The following GABRA5 variants were observed in gnomAD, a reference collection of about 807,000 sequenced individuals.
The protein encoded by GABRA5 is gamma-aminobutyric acid receptor subunit alpha-5.
GABRA5 carries 18 observed loss-of-function variants against 47.3 expected under a neutral mutation model. The ratio of observed to expected loss-of-function variants is 0.38; its 90% CI spans 0.26 to 0.56. The LOEUF is 0.56. Ranked by LOEUF, GABRA5 falls within the 20% of genes least tolerant of loss-of-function variation. GABRA5 has a pLI of 0.71. For synonymous variants in GABRA5, 237 were observed against 229.3 expected (o/e 1.03, Z -0.30); for missense variants, 365 against 599.3 (o/e 0.61, Z 4.08).
At chr15:26,911,582 G>A (rs928787102) in intron 6 of GABRA5, among the ~76,000 whole-genome samples, 1 of 152,160 alleles carries the variant, frequency 6.6e-6, no homozygotes, top group East Asian at 1.9e-4. Context: ...TAAACACACG[G>A]TATTGGCCAG....
At chr15:26,881,283 A>T (rs1892724113) in intron 4 of GABRA5, among the ~76,000 whole-genome samples, 1 of 152,198 alleles carries the variant, frequency 6.6e-6, no homozygotes. Context: ...TGGTTAACTT[A>T]AGGAGGAACC....
chr15:26,895,792 G>A lies in GABRA5; in HGVS notation c.497+12235G>A, dbSNP rs564497654. Among the ~76,000 whole-genome samples, 526 of 141,708 alleles carry A rather than the reference G, an allele frequency of 3.7e-3. 4 individuals are homozygous for A. The highest frequency in any genetic ancestry group is 0.014 in the African/African-American group (498 of 35,652). The allele number at this position is 141,708 out of a possible 152,430, so 93.0% of individuals were successfully genotyped here. A position where few individuals can be genotyped will look rare whatever the true frequency, so the allele number is the denominator to read the frequency against. ...GGCGCCACCGCACACTCCAGCCTGG[G>A]CGACAGAGCAAGACTCCGTCAAAAA... On this transcript the variant is annotated intron_variant, in intron 6 of 10. Coordinates refer to ENST00000335625, the MANE Select transcript of GABRA5 (RefSeq NM_000810.4).
At chr15:26,941,708 A>G (rs1894388550) in intron 9 of GABRA5, among the ~76,000 whole-genome samples, 1 of 151,990 alleles carries the variant, frequency 6.6e-6, no homozygotes, top group Admixed American at 6.6e-5. Flanking sequence ...GCTCCTCCTG[A>G]GGCCTGCAAG....
chr15:26,891,755 C>A (rs955694093), intron 6 of GABRA5, among the ~76,000 whole-genome samples: 4 of 152,222 alleles, frequency 2.6e-5, no homozygotes, highest in Non-Finnish European at 4.4e-5. Flanking sequence ...GCGCAGCCAG[C>A]CTGCACCCAC....
At chr15:26,942,341 A>T (rs1469696312) in intron 9 of GABRA5, among the ~76,000 whole-genome samples, 1 of 152,150 alleles carries the variant, frequency 6.6e-6, no homozygotes, top group East Asian at 1.9e-4. Context: ...AAGTTTTCCT[A>T]GTGGCCACAG....
chr15:26,939,139 T>C (rs1894320908), intron 8 of GABRA5: 2 of 722,690 alleles, frequency 2.8e-6, no homozygotes, highest in Non-Finnish European at 5.0e-6. Context: ...CAAAGAACAC[T>C]TCCCATCTCC....
intron 6 of GABRA5, among the ~76,000 whole-genome samples, chr15:26,886,670 CACA>C (rs1892887955): frequency 6.6e-6 from 1 of 152,144 alleles, no homozygotes; most frequent in Non-Finnish European, 1.5e-5. Flanking sequence ...ATTCGAGGGA[CACA>C]ACATCATTAG....
intron 7 of GABRA5, among the ~76,000 whole-genome samples, chr15:26,925,039 T>C (rs1035357488): frequency 6.6e-6 from 1 of 152,016 alleles, no homozygotes; most frequent in Non-Finnish European, 1.5e-5. Flanking sequence ...ATGATATTTA[T>C]TTTTAGTGGG....
At chr15:26,897,389 A>C (rs1893224050) in intron 6 of GABRA5, among the ~76,000 whole-genome samples, 1 of 152,146 alleles carries the variant, frequency 6.6e-6, no homozygotes, top group Non-Finnish European at 1.5e-5. Flanking sequence ...AGCCATCTGC[A>C]AGCCAAGCAC....
intron 7 of GABRA5, among the ~76,000 whole-genome samples, chr15:26,934,982 C>T (rs913486516): frequency 6.7e-6 from 1 of 150,344 alleles, no homozygotes; most frequent in Admixed American, 6.7e-5. Flanking sequence ...AGAGGGTGAG[C>T]TTTATGTTTT....
chr15:26,867,553 G>C lies in GABRA5; in HGVS notation c.-140+442G>C, dbSNP rs369375295. The C allele has an allele frequency of 6.5e-6, 1 of 152,752 alleles. No homozygotes were observed. The highest frequency in any genetic ancestry group is 2.4e-5 in the African/African-American group (1 of 41,446). The allele number at this position is 152,752 out of a possible 1,614,324, so 9.5% of individuals were successfully genotyped here. ...GCAGGCGGGGCGCGCAGCCAGGCCA[G>C]AGCGCAAACTTTACCCTGGCGACTG... is the stretch of plus-strand genomic sequence containing the variant. On this transcript the variant is annotated intron_variant, in intron 1 of 10. Transcript: ENST00000335625. This position sits in a 1 kb window ranked among gnomAD's most constrained non-coding sequence, Gnocchi z 5.9.
chr15:26,890,013 T>A (rs1449953909), intron 6 of GABRA5, among the ~76,000 whole-genome samples: 1 of 152,222 alleles, frequency 6.6e-6, no homozygotes, highest in East Asian at 1.9e-4. Flanking sequence ...TGAAAACATT[T>A]CCCATGTCAT....
At chr15:26,927,367 C>G (rs1893986351) in intron 7 of GABRA5, among the ~76,000 whole-genome samples, 1 of 152,036 alleles carries the variant, frequency 6.6e-6, no homozygotes, top group Non-Finnish European at 1.5e-5. Context: ...CCACCTCGGC[C>G]TCTCAAAGTG....
chr15:26,901,087 G>A (rs367929028), intron 6 of GABRA5, among the ~76,000 whole-genome samples: 22 of 152,260 alleles, frequency 1.4e-4, no homozygotes, highest in African/African-American at 3.4e-4. Flanking sequence ...GATTGCTTCC[G>A]AGTTTTGGTA....
intron 10 of GABRA5, among the ~76,000 whole-genome samples, chr15:26,944,713 G>C (rs1894470346): frequency 6.6e-6 from 1 of 152,182 alleles, no homozygotes; most frequent in Non-Finnish European, 1.5e-5. Context: ...AATGGAGTCT[G>C]GGGAGACGGG....
intron 6 of GABRA5, among the ~76,000 whole-genome samples, chr15:26,893,381 T>C (rs1893077043): frequency 3.8e-3 from 1 of 260 alleles, no homozygotes; most frequent in Non-Finnish European, 7.2e-3. Context: ...GTGGCGGGAC[T>C]ATATGGAGTA....
At chr15:26,913,603 A>C (rs1217895774) in intron 6 of GABRA5, among the ~76,000 whole-genome samples, 2 of 152,220 alleles carry the variant, frequency 1.3e-5, no homozygotes. Flanking sequence ...TTTGCTCTAA[A>C]AATAGAATTA....
intron 6 of GABRA5, among the ~76,000 whole-genome samples, chr15:26,913,245 G>C (rs1269089878): frequency 6.6e-6 from 1 of 151,758 alleles, no homozygotes; most frequent in Non-Finnish European, 1.5e-5. Flanking sequence ...TGTGTTCTAG[G>C]TCATCTACAC....
At chr15:26,876,238 T>C (rs1892594250) in intron 3 of GABRA5, among the ~76,000 whole-genome samples, 1 of 152,044 alleles carries the variant, frequency 6.6e-6, no homozygotes, top group African/African-American at 2.4e-5. Flanking sequence ...TCCCAGTGAA[T>C]GTAGAGGTCT....
Sources: allele counts gnomAD v4.1 joint callset (sites outside exome capture counted in the v4.1 genomes callset), GRCh38; gene constraint gnomAD v4.1.1; non-coding constraint Gnocchi (gnomAD v3.1); transcripts MANE v1.5; gene names NCBI Gene and HGNC (gene_info 2026-07-23, HGNC 2026-07-21).